Variants in CBFA2T2 observed in about 807,000 individuals in gnomAD.
CBFA2T2 encodes the protein protein CBFA2T2.
Under a neutral mutation model 62.2 loss-of-function variants are expected in CBFA2T2, and 11 were observed. The observed-to-expected ratio is 0.18, with a 90% CI of 0.11 to 0.29. CBFA2T2 has a LOEUF of 0.29. Among genes scored for constraint, CBFA2T2 ranks in the 10% least tolerant of loss-of-function variants. The probability of loss-of-function intolerance (pLI) is 1.00; values close to 1 mark genes in which losing one functional copy is unlikely to be tolerated. For synonymous variants in CBFA2T2, 295 were observed against 287.5 expected, an observed-to-expected ratio of 1.03 and a Z score of -0.27; for missense variants, 592 against 774.1, an observed-to-expected ratio of 0.76 and a Z score of 2.79.
chr20:33,624,730 C>T (rs1372265918), intron 5 of CBFA2T2, 34 bp from the exon 6 acceptor site: 1 of 1,607,922 alleles, frequency 6.2e-7, no homozygotes, highest in South Asian at 1.1e-5. Flanking sequence ...CACTTGTTGA[C>T]AGGATCAGAT....
intron 1 of CBFA2T2, among the ~76,000 whole-genome samples, chr20:33,596,940 T>G (rs2014919944): frequency 6.6e-6 from 1 of 150,930 alleles, no homozygotes; most frequent in African/African-American, 2.4e-5. Flanking sequence ...TTTTTTTTCT[T>G]TCTTTTTTTC....
At chr20:33,567,309 G>C (rs968736814) in intron 1 of CBFA2T2, among the ~76,000 whole-genome samples, 5 of 152,186 alleles carry the variant, frequency 3.3e-5, no homozygotes, top group Non-Finnish European at 5.9e-5. Flanking sequence ...ATAGATGCCT[G>C]GCAAGGTGGG....
intron 1 of CBFA2T2, among the ~76,000 whole-genome samples, chr20:33,602,927 C>T (rs1378436599): frequency 3.9e-5 from 6 of 152,090 alleles, no homozygotes; most frequent in Non-Finnish European, 8.8e-5. Flanking sequence ...TGATGGTAAC[C>T]GAGATGGCTA....
intron 2 of CBFA2T2, among the ~76,000 whole-genome samples, chr20:33,609,197 AAT>A (rs2015438696): frequency 6.6e-6 from 1 of 152,182 alleles, no homozygotes; most frequent in African/African-American, 2.4e-5. Flanking sequence ...AGGCAACACA[AAT>A]ATAGAAATAA....
At chr20:33,571,166 G>T (rs1212041643) in intron 1 of CBFA2T2, among the ~76,000 whole-genome samples, 1 of 152,204 alleles carries the variant, frequency 6.6e-6, no homozygotes, top group African/African-American at 2.4e-5. Context: ...TTTTAAGTGG[G>T]TCTGGAGGGG....
intron 9 of CBFA2T2, chr20:33,639,053 G>A (rs1355030073): frequency 6.6e-6 from 1 of 152,184 alleles, no homozygotes; most frequent in African/African-American, 2.4e-5. Flanking sequence ...AGCTTTGTGT[G>A]GACTGTCCAT....
chr20:33,597,279 C>T (rs1414863570), intron 1 of CBFA2T2, among the ~76,000 whole-genome samples: 1 of 152,016 alleles, frequency 6.6e-6, no homozygotes, highest in Non-Finnish European at 1.5e-5. Context: ...ACTGCTGTCA[C>T]CTCAGTAGTA....
chr20:33,640,307 T>A, intron 9 of CBFA2T2, 34 bp from the exon 10 acceptor site: 2 of 1,591,490 alleles, frequency 1.3e-6, no homozygotes, highest in Non-Finnish European at 1.7e-6. Flanking sequence ...AAAAGATTTC[T>A]CGGCCAGTTG....
At chr20:33,559,795 C>T (rs2013028524) in intron 1 of CBFA2T2, among the ~76,000 whole-genome samples, 1 of 152,154 alleles carries the variant, frequency 6.6e-6, no homozygotes, top group Admixed American at 6.5e-5. Context: ...CAATTGTGGT[C>T]ATTTTTTATT....
At chr20:33,597,403 G>T (rs138742226) in intron 1 of CBFA2T2, among the ~76,000 whole-genome samples, 2 of 152,250 alleles carry the variant, frequency 1.3e-5, no homozygotes, top group African/African-American at 4.8e-5. Context: ...CTACCTGGGG[G>T]TTATGTTAAG....
chr20:33,515,820 A>AAAT (rs1362939809), intron 1 of CBFA2T2, among the ~76,000 whole-genome samples: 3,744 of 149,180 alleles, frequency 0.025, 91 homozygotes, highest in Non-Finnish European at 0.044. Flanking sequence ...AAAAAAAAAA[A>AAAT]ACGGGGCGGG....
At chr20:33,576,802 T>G (rs1213486786) in intron 1 of CBFA2T2, among the ~76,000 whole-genome samples, 5 of 152,262 alleles carry the variant, frequency 3.3e-5, no homozygotes, top group Non-Finnish European at 5.9e-5. Flanking sequence ...TGCTCACACT[T>G]GTGAAGAATC....
chr20:33,551,543 T>C (rs2012742479), intron 1 of CBFA2T2, among the ~76,000 whole-genome samples: 1 of 149,408 alleles, frequency 6.7e-6, no homozygotes, highest in Admixed American at 6.6e-5. Flanking sequence ...CAATGTTTTG[T>C]TGTTGTTGAT....
intron 1 of CBFA2T2, among the ~76,000 whole-genome samples, chr20:33,528,449 G>A (rs978122218): frequency 1.3e-5 from 2 of 152,192 alleles, no homozygotes; most frequent in African/African-American, 2.4e-5. Flanking sequence ...GATCATGACC[G>A]AAATCCAGAC....
intron 1 of CBFA2T2, among the ~76,000 whole-genome samples, chr20:33,569,781 T>G (rs2013472514): frequency 6.6e-6 from 1 of 152,200 alleles, no homozygotes; most frequent in Admixed American, 6.5e-5. Context: ...AAAGTAACAA[T>G]TTCAATGTTT....
chr20:33,490,284 G>T lies in CBFA2T2; in HGVS notation c.17G>T (p.Gly6Val). The part of the protein sequence containing the change: MVGVP[G>V]AAAFQLGPEK... Reference sequence around the variant, plus strand: ...CGCTCGGCGATGGTAGGCGTCCCTGGAGCGGCCGCCTTCCAGCGTAAGTGG... The same window carrying T: ...CGCTCGGCGATGGTAGGCGTCCCTGTAGCGGCCGCCTTCCAGCGTAAGTGG... Residue 6 changes from glycine (G) to valine (V), a missense_variant, in exon 1 of 11, where the codon GGA becomes GTA. Transcript: ENST00000342704. 1 of 1,265,668 alleles carries T rather than the reference G, an allele frequency of 7.9e-7. No individual in the cohort carries two copies. 78.4% of individuals were successfully genotyped at this position (1,265,668 alleles called of 1,614,324 possible). A position where few individuals can be genotyped will look rare whatever the true frequency, so the allele number is the denominator to read the frequency against.
chr20:33,559,979 T>C (rs2013032758), intron 1 of CBFA2T2, among the ~76,000 whole-genome samples: 1 of 152,232 alleles, frequency 6.6e-6, no homozygotes, highest in Non-Finnish European at 1.5e-5. Context: ...AGAGCTCTGC[T>C]TCCTTTTATT....
chr20:33,615,026 A>G (rs2015657489), intron 3 of CBFA2T2, among the ~76,000 whole-genome samples: 1 of 152,206 alleles, frequency 6.6e-6, no homozygotes, highest in Admixed American at 6.5e-5. Context: ...GTGTGGAAAC[A>G]CTGCACGCAA....
intron 1 of CBFA2T2, among the ~76,000 whole-genome samples, chr20:33,587,917 T>C (rs1330838101): frequency 6.6e-6 from 1 of 152,224 alleles, no homozygotes; most frequent in Non-Finnish European, 1.5e-5. Context: ...TTCATTCAAG[T>C]AGTTGAAATT....
Sources: gnomAD v4.1 joint callset for allele counts (sites outside exome capture counted in the v4.1 genomes callset) on GRCh38, gnomAD v4.1.1 for gene constraint, MANE v1.5 for transcripts, NCBI Gene and HGNC (gene_info 2026-07-23, HGNC 2026-07-21) for gene names.